Variants in MICALL1 observed in about 807,000 individuals in gnomAD.
The protein encoded by MICALL1 is MICAL-like protein 1.
A neutral mutation model predicts 83.7 loss-of-function variants in MICALL1; 61 were observed. The observed-to-expected ratio is 0.73, with a 90% CI of 0.59 to 0.90. The LOEUF is 0.90. MICALL1 is among the 40% of genes least tolerant of loss of function. The pLI is 0.00. For missense variants in MICALL1, 1,066 were observed against 1,152.0 expected (o/e 0.93, Z 1.08); for synonymous variants, 481 against 473.6 (o/e 1.02, Z -0.20).
intron 9 of MICALL1, among the ~76,000 whole-genome samples, chr22:37,929,203 G>C (rs1162855414): frequency 6.6e-6 from 1 of 152,276 alleles, no homozygotes; most frequent in East Asian, 1.9e-4. Flanking sequence ...AGGTGACCTA[G>C]AGTAGAGCAC....
chr22:37,931,077 A>G (rs922563827), intron 9 of MICALL1, among the ~76,000 whole-genome samples: 2 of 152,200 alleles, frequency 1.3e-5, no homozygotes, highest in African/African-American at 4.8e-5. Context: ...GGTTCTAACC[A>G]CTACCCCTCA....
rs1449769377 is a variant in MICALL1 at position 37,906,314 on chromosome 22, C to T, written c.-109C>T. 2.4e-6 allele frequency: 2 copies of T among 842,060 alleles called. No homozygotes were observed. Among genetic ancestry groups the T allele is most frequent in the African/African-American group, 3.7e-5 (2 of 53,896 alleles). The allele number at this position is 842,060 out of a possible 1,614,324, so 52.2% of individuals were successfully genotyped here. On this transcript the variant is annotated 5_prime_UTR_variant, in exon 1 of 16. Coordinates refer to ENST00000215957, the MANE Select transcript of MICALL1 (RefSeq NM_033386.4). The surrounding 1 kb of genome is among the most constrained non-coding windows in gnomAD (Gnocchi z 4.4). Reference sequence around the variant, plus strand: ...CTCCCCTCGCCTGCCGGTCGGCGCCCGAGCTCGGAGCCGCAGCCGCAGCCG... The same window carrying T: ...CTCCCCTCGCCTGCCGGTCGGCGCCTGAGCTCGGAGCCGCAGCCGCAGCCG...
chr22:37,912,808 C>G (rs560877220), intron 3 of MICALL1, among the ~76,000 whole-genome samples: 2 of 151,530 alleles, frequency 1.3e-5, no homozygotes, highest in Non-Finnish European at 2.9e-5. Flanking sequence ...ATTACAGGCA[C>G]CCGGCACCAC....
At position 37,912,745 on chromosome 22, in the gene MICALL1, C is replaced by T. The variant is rs556697098; in HGVS notation, c.337+253C>T. Among the ~76,000 whole-genome samples the T allele has an allele frequency of 1.2e-4, 18 of 151,870 alleles. No homozygotes were observed. In the East Asian group the frequency reaches 3.3e-3, roughly 28 times the overall value. Reference sequence around the variant, plus strand: ...GCGATGGCACGATCTCGGCTCACTGCAACCTCCGCCTCCTGGGTTTAACCT... The same window carrying T: ...GCGATGGCACGATCTCGGCTCACTGTAACCTCCGCCTCCTGGGTTTAACCT... On this transcript the variant is annotated intron_variant, in intron 3 of 15. Coordinates refer to ENST00000215957, the MANE Select transcript of MICALL1 (RefSeq NM_033386.4).
intron 14 of MICALL1, among the ~76,000 whole-genome samples, chr22:37,937,511 T>C (rs1930202324): frequency 6.7e-6 from 1 of 149,576 alleles, no homozygotes; most frequent in Non-Finnish European, 1.5e-5. Context: ...ACAACCTCTG[T>C]CTCCCAGGTT....
chr22:37,911,171 C>A (rs1016071812), intron 1 of MICALL1, among the ~76,000 whole-genome samples: 4 of 152,252 alleles, frequency 2.6e-5, no homozygotes, highest in African/African-American at 9.6e-5. Context: ...TCTCACCTTT[C>A]CTAGTTTAGA....
chr22:37,913,353 A>C (rs1569136045), intron 3 of MICALL1, among the ~76,000 whole-genome samples: 1 of 152,218 alleles, frequency 6.6e-6, no homozygotes, highest in African/African-American at 2.4e-5. Flanking sequence ...TGGGGGAGAT[A>C]GACACCAAAC....
chr22:37,933,108 G>C lies in MICALL1; in HGVS notation c.2304G>C (p.Lys768Asn). 1 of 1,613,696 alleles carries C rather than the reference G, an allele frequency of 6.2e-7. No homozygotes were observed. Among genetic ancestry groups the C allele is most frequent in the Non-Finnish European group, 8.5e-7 (1 of 1,179,970 alleles). Residue 768 changes from lysine to asparagine, a missense_variant, in exon 13 of 16, where the codon AAG becomes AAC. Transcript: ENST00000215957. ...VEYELRCLLN[K>N]PEKDWTEEDR... ...ATGAGCTCCGGTGCCTCCTCAATAA[G>C]CCAGGTGAGTGCAGCCACTGGCACT...
At chr22:37,940,101 A>T (rs529636672) in intron 15 of MICALL1, among the ~76,000 whole-genome samples, 1 of 151,262 alleles carries the variant, frequency 6.6e-6, no homozygotes, top group East Asian at 2.0e-4. Flanking sequence ...AAGAAAAAGA[A>T]AAAGATAAAT....
Position 37,931,846 on chromosome 22 carries a change from G to A in MICALL1, c.1929G>A (p.Ala643=), listed in dbSNP as rs746669715. The A allele has an allele frequency of 4.4e-5, 71 of 1,613,866 alleles. No homozygotes were observed. The highest frequency in any genetic ancestry group is 1.6e-4 in the Middle Eastern group (1 of 6,084). The change falls in exon 10 of 16, where the codon GCG becomes GCA. Residue 643 remains alanine (A), a synonymous_variant. Coordinates refer to ENST00000215957, the MANE Select transcript of MICALL1 (RefSeq NM_033386.4). ...TTAACCGGAAGCCATCACCTGCAGC[G>A]TCCCCAGCCACAAAGAAGGCCACCA... ...NPFNRKPSPA[A]SPATKKATKG...
chr22:37,934,554 ATATT>A (rs898446587), intron 13 of MICALL1, among the ~76,000 whole-genome samples: 12 of 141,314 alleles, frequency 8.5e-5, no homozygotes, highest in Non-Finnish European at 1.6e-4. Flanking sequence ...GGGCTTCAGG[ATATT>A]TATTTATTTA....
chr22:37,939,763 G>A (rs1463600985), intron 15 of MICALL1, among the ~76,000 whole-genome samples: 3 of 97,606 alleles, frequency 3.1e-5, no homozygotes, highest in Non-Finnish European at 5.7e-5. Context: ...GACAGCACAA[G>A]TCTCCGTCTC....
chr22:37,920,940 T>G (rs1569140050), intron 5 of MICALL1, among the ~76,000 whole-genome samples: 1 of 151,174 alleles, frequency 6.6e-6, no homozygotes, highest in Non-Finnish European at 1.5e-5. Context: ...AAAAAAAAAT[T>G]AGCCTAGTGT....
Position 37,924,586 on chromosome 22 carries a change from T to C in MICALL1, c.1025-74T>C, listed in dbSNP as rs1601821290. On this transcript the variant is annotated intron_variant, in intron 6 of 15. Coordinates refer to ENST00000215957, the MANE Select transcript of MICALL1 (RefSeq NM_033386.4). The surrounding 1 kb of genome is among the most constrained non-coding windows in gnomAD (Gnocchi z 5.2). ...GGCGGGGCGCTCCTGGGGAGGCAGG[T>C]GCTGTGGCTGGCTCCCTGGGTGCCC... is the stretch of plus-strand genomic sequence containing the variant. The C allele has an allele frequency of 1.4e-6, 2 of 1,464,510 alleles. No homozygotes were observed. Among genetic ancestry groups the C allele is most frequent in the South Asian group, 2.4e-5 (2 of 83,844 alleles). The allele number at this position is 1,464,510 out of a possible 1,614,324, so 90.7% of individuals were successfully genotyped here.
rs1224555290 is a variant in MICALL1, at chr22:37,924,257, G to A, written c.1025-403G>A. 6.6e-6 allele frequency among the ~76,000 whole-genome samples: 1 copy of A among 152,186 alleles called. No individual in the cohort carries two copies. Among genetic ancestry groups the A allele is most frequent in the Admixed American group, 6.5e-5 (1 of 15,280 alleles). On this transcript the variant is annotated intron_variant, in intron 6 of 15. Transcript: ENST00000215957. The surrounding 1 kb of genome is among the most constrained non-coding windows in gnomAD (Gnocchi z 5.2). ...AGGTGGAGACAGGCACAGATGCAAG[G>A]GTTTCAGTGGATTGTGGAAGTCTTG...
At chr22:37,927,347 G>A (rs1433689340) in intron 8 of MICALL1, 64 bp from the exon 9 acceptor site, 5 of 1,461,218 alleles carry the variant, frequency 3.4e-6, no homozygotes, top group Non-Finnish European at 4.5e-6. Flanking sequence ...GTGGAGCCGG[G>A]AGGTGGGGCT....
intron 7 of MICALL1, among the ~76,000 whole-genome samples, chr22:37,925,023 G>A (rs982290759): frequency 1.3e-5 from 2 of 152,162 alleles, no homozygotes; most frequent in Non-Finnish European, 2.9e-5. Context: ...CTTGATTATA[G>A]AGTTGATTTG....
rs1432850703 is a variant in MICALL1, at chr22:37,912,009, C to T, written c.195+9C>T. The T allele has an allele frequency of 1.2e-6, 2 of 1,613,672 alleles. No individual in the cohort carries two copies. The highest frequency in any genetic ancestry group is 2.2e-5 in the East Asian group (1 of 44,882). On this transcript the variant is annotated intron_variant, in intron 2 of 15. Transcript: ENST00000215957. The stretch of plus-strand genomic sequence containing the variant: ...TCGAGAATAACCGTTTGGTAAGTTC[C>T]CGGACAGGTGGAAGCCCAAGAGGCT...
intron 9 of MICALL1, among the ~76,000 whole-genome samples, chr22:37,928,327 C>T (rs867750498): frequency 6.6e-6 from 1 of 152,052 alleles, no homozygotes; most frequent in African/African-American, 2.4e-5. Context: ...CTGTCTCAGT[C>T]TCCCGAGTAG....
Sources: allele counts gnomAD v4.1 joint callset (sites outside exome capture counted in the v4.1 genomes callset), GRCh38; gene constraint gnomAD v4.1.1; non-coding constraint Gnocchi (gnomAD v3.1); transcripts MANE v1.5; gene names NCBI Gene and HGNC (gene_info 2026-07-23, HGNC 2026-07-21).